MGAM2: variants seen among roughly 807,000 people sequenced by gnomAD.
MGAM2 encodes maltase-glucoamylase 2 (putative), also known as probable maltase-glucoamylase 2.
A neutral mutation model predicts 96.1 loss-of-function variants in MGAM2; 98 were observed. The observed-to-expected ratio is 1.02, with a 90% CI of 0.87 to 1.21. MGAM2 has a LOEUF of 1.21. Among genes scored for constraint, MGAM2 ranks in the 50% most tolerant of loss-of-function variants. The probability of loss-of-function intolerance (pLI) is 0.00; values close to 1 mark genes in which losing one functional copy is unlikely to be tolerated. For synonymous variants in MGAM2, 749 were observed against 414.8 expected, an observed-to-expected ratio of 1.81 and a Z score of -9.79; for missense variants, 2,055 against 1,182.4, an observed-to-expected ratio of 1.74 and a Z score of -10.82.
chr7:142,151,869 A>G (rs1795590102), intron 15 of MGAM2, among the ~76,000 whole-genome samples: 1 of 152,240 alleles, frequency 6.6e-6, no homozygotes, highest in Non-Finnish European at 1.5e-5. Flanking sequence ...GTCTTTGGGC[A>G]TGAGGCAGAG....
Position 142,143,782 on chromosome 7 carries a change from C to G in MGAM2, c.1331C>G (p.Pro444Arg), listed in dbSNP as rs1030566725. 1 of 677,960 alleles carries G rather than the reference C, an allele frequency of 1.5e-6. No individual in the cohort carries two copies. The allele number at this position is 677,960 out of a possible 1,614,324, so 42.0% of individuals were successfully genotyped here. A position where few individuals can be genotyped will look rare whatever the true frequency, so the allele number is the denominator to read the frequency against. The change falls in exon 13 of 48, where the codon CCG becomes CGG. Residue 444 changes from proline (P) to arginine (R), a missense_variant. Physicochemically the swap from Pro to Arg is moderately radical, Grantham distance 103. Transcript: ENST00000477922. ...TCTGTGTCCTAGGGATATCCGGGACCGACAGTCTTTCCCGATTATACCAAT... is the reference window on the plus strand; with the variant it reads ...TCTGTGTCCTAGGGATATCCGGGACGGACAGTCTTTCCCGATTATACCAAT... The part of the protein sequence containing the change: ...GFAVGEGYPG[P>R]TVFPDYTNPV...
intron 6 of MGAM2, among the ~76,000 whole-genome samples, chr7:142,133,007 T>G (rs1794945939): frequency 7.6e-6 from 1 of 131,100 alleles, no homozygotes; most frequent in Non-Finnish European, 1.5e-5. Flanking sequence ...AATTTATATT[T>G]ATATTTAATT....
intron 3 of MGAM2, among the ~76,000 whole-genome samples, chr7:142,129,012 A>T (rs1794805669): frequency 6.6e-6 from 1 of 152,226 alleles, no homozygotes; most frequent in African/African-American, 2.4e-5. Flanking sequence ...GAAAGCAGCC[A>T]AGAGGGGGGC....
intron 35 of MGAM2, among the ~76,000 whole-genome samples, chr7:142,187,437 T>C (rs1231274244): frequency 6.6e-6 from 1 of 152,268 alleles, no homozygotes; most frequent in African/African-American, 2.4e-5. Flanking sequence ...CCTTAGGTCC[T>C]GTGTCCAGCA....
intron 31 of MGAM2, among the ~76,000 whole-genome samples, chr7:142,173,779 A>T (rs2129091409): frequency 6.6e-6 from 1 of 152,320 alleles, no homozygotes; most frequent in East Asian, 1.9e-4. Flanking sequence ...AGTAAGTTTC[A>T]TGTGCAGAAA....
intron 46 of MGAM2, among the ~76,000 whole-genome samples, chr7:142,214,256 G>A (rs533828517): frequency 6.6e-6 from 1 of 152,266 alleles, no homozygotes; most frequent in African/African-American, 2.4e-5. Context: ...ACAAGACAAG[G>A]ATGCCCTCTC....
rs1034376182 is a variant in MGAM2, at chr7:142,132,001, A to T, written c.491A>T (p.Asp164Val). ...ENINLVDGIA[D>V]ASNLSYYVEV... ...ATTAACCTGGTTGATGGGATTGCTG[A>T]TGCCTCCAATTTGAGCTATTACGTG... The change falls in exon 6 of 48, where the codon GAT becomes GTT. Residue 164 changes from aspartate (D) to valine (V), a missense_variant. Transcript: ENST00000477922. 1 of 703,096 alleles carries T rather than the reference A, an allele frequency of 1.4e-6. No individual in the cohort carries two copies. The highest frequency in any genetic ancestry group is 1.7e-5 in the African/African-American group (1 of 57,350). 43.6% of individuals were successfully genotyped at this position (703,096 alleles called of 1,614,324 possible).
rs756513123 is a variant in MGAM2, at chr7:142,175,712, A to G, written c.3748A>G (p.Asn1250Asp). Residue 1250 changes from asparagine (N) to aspartate (D), a missense_variant, in exon 32 of 48, where the codon AAC becomes GAC. Physicochemically the swap from Asn to Asp is conservative, Grantham distance 23. Transcript: ENST00000477922. ...GAAGCTGGATTTCACCCTCAGTGCC[A>G]ACTTTCAAAACCTCAGTCTTCTGAT... is the stretch of plus-strand genomic sequence containing the variant. Reference protein sequence around the residue: ...NRKLDFTLSANFQNLSLLIEQ... With the variant: ...NRKLDFTLSADFQNLSLLIEQ... 9.0e-5 allele frequency: 63 copies of G among 702,778 alleles called. No individual in the cohort carries two copies. Among genetic ancestry groups the G allele is most frequent in the Admixed American group, 6.0e-5 (3 of 49,986 alleles). The allele number at this position is 702,778 out of a possible 1,614,324, so 43.5% of individuals were successfully genotyped here.
At chr7:142,183,950 C>CCTT (rs1796616191) in intron 33 of MGAM2, among the ~76,000 whole-genome samples, 1 of 46,112 alleles carries the variant, frequency 2.2e-5, no homozygotes, top group African/African-American at 5.6e-5. Flanking sequence ...TTCCAGGCTC[C>CCTT]TTTTTTTTTT....
Position 142,133,972 on chromosome 7 carries a change from A to G in MGAM2, c.576-9A>G, listed in dbSNP as rs1176608109. 1.4e-6 allele frequency: 1 copy of G among 701,704 alleles called. No homozygotes were observed. Among genetic ancestry groups the G allele is most frequent in the South Asian group, 1.5e-5 (1 of 67,358 alleles). 43.5% of individuals were successfully genotyped at this position (701,704 alleles called of 1,614,324 possible). On this transcript the variant is annotated splice_polypyrimidine_tract_variant and intron_variant, in intron 6 of 47. Transcript: ENST00000477922. ...CGGTGATTCTTGCTCTACTTACCCC[A>G]TGGCCCAGGTTGGACACGAGCATCG...
chr7:142,140,997 AT>A (rs1236793261), intron 11 of MGAM2, 23 bp from the exon 12 acceptor site: 20 of 693,100 alleles, frequency 2.9e-5, no homozygotes, highest in Non-Finnish European at 5.2e-5. Context: ...TGAAAATAAT[AT>A]TTATATCGTA....
At chr7:142,199,581 T>C (rs1383199657) in intron 44 of MGAM2, among the ~76,000 whole-genome samples, 3 of 152,238 alleles carry the variant, frequency 2.0e-5, no homozygotes, top group Admixed American at 2.0e-4. Context: ...TGGAAGCTAC[T>C]GAGGATTCTC....
Position 142,167,441 on chromosome 7 carries a change from C to T in MGAM2, c.2982C>T (p.Leu994=), listed in dbSNP as rs765188272. 1.8e-5 allele frequency: 13 copies of T among 702,940 alleles called. No individual in the cohort carries two copies. Among genetic ancestry groups the T allele is most frequent in the Non-Finnish European group, 3.1e-5 (12 of 385,004 alleles). The allele number at this position is 702,940 out of a possible 1,614,324, so 43.5% of individuals were successfully genotyped here. A position where few individuals can be genotyped will look rare whatever the true frequency, so the allele number is the denominator to read the frequency against. The change falls in exon 26 of 48, where the codon CTC becomes CTT. Residue 994 remains leucine, a synonymous_variant. Transcript: ENST00000477922. ...SDSLSAKISF[L]HLKVIYHTAT... is the part of the protein sequence containing the mutation. ...CTCTCTCTGCAAAGATCAGCTTCCT[C>T]CACCTGAAAGTGATCTATCACACAG...
intron 3 of MGAM2, among the ~76,000 whole-genome samples, chr7:142,129,140 T>A (rs974370229): frequency 6.6e-6 from 1 of 152,234 alleles, no homozygotes; most frequent in Non-Finnish European, 1.5e-5. Flanking sequence ...AGCTTTAGGA[T>A]TTGACAGCCT....
chr7:142,154,626 A>T (rs1795680821), intron 16 of MGAM2, 103 bp from the exon 17 acceptor site: 2 of 648,600 alleles, frequency 3.1e-6, no homozygotes, highest in African/African-American at 1.8e-5. Flanking sequence ...TAAGCATGGG[A>T]TGATGTGACA....
chr7:142,170,019 T>G, intron 26 of MGAM2, 56 bp from the exon 27 acceptor site: 1 of 655,148 alleles, frequency 1.5e-6, no homozygotes, highest in South Asian at 1.7e-5. Context: ...TGGGGTGGCA[T>G]GAGGGGTTTT....
chr7:142,183,950 CTTTTTTTTTTTTTTTTTTTTTTTTTTTT>C lies in MGAM2; in HGVS notation c.3924+590_3924+617del, dbSNP rs748299647. On this transcript the variant is annotated intron_variant, in intron 33 of 47. Coordinates refer to ENST00000477922, the MANE Select transcript of MGAM2 (RefSeq NM_001293626.2). ...ACTGCTCTGGATGTATTCCAGGCTC[CTTTTTTTTTTTTTTTTTTTTTTTTTTTT>C]TTTTTTTTTTTTGAGATGGAGTGTC... Among the ~76,000 whole-genome samples the C allele has an allele frequency of 1.4e-3, 63 of 46,148 alleles. 1 individual carries two copies. Among genetic ancestry groups the C allele is most frequent in the Admixed American group, 3.9e-3 (10 of 2,580 alleles). The allele number at this position is 46,148 out of a possible 152,430, so 30.3% of individuals were successfully genotyped here. A position where few individuals can be genotyped will look rare whatever the true frequency, so the allele number is the denominator to read the frequency against.
At chr7:142,149,843 A>G (rs1274846770) in intron 15 of MGAM2, among the ~76,000 whole-genome samples, 1 of 151,798 alleles carries the variant, frequency 6.6e-6, no homozygotes, top group Non-Finnish European at 1.5e-5. Flanking sequence ...GCCCGGCCTT[A>G]CTTGGATGTT....
At position 142,148,820 on chromosome 7, in the gene MGAM2, C is replaced by A. The variant is rs770229198; in HGVS notation, c.1634+1247C>A. 2.0e-5 allele frequency among the ~76,000 whole-genome samples: 3 copies of A among 152,160 alleles called. No homozygotes were observed. Among genetic ancestry groups the A allele is most frequent in the African/African-American group, 7.2e-5 (3 of 41,430 alleles). ...TGTTGTGCTCTACAAGACAGGGAGACTTTGATGGGTTTATGGGGCCTGTCT... is the reference window on the plus strand; with the variant it reads ...TGTTGTGCTCTACAAGACAGGGAGAATTTGATGGGTTTATGGGGCCTGTCT... On this transcript the variant is annotated intron_variant, in intron 15 of 47. Coordinates refer to ENST00000477922, the MANE Select transcript of MGAM2 (RefSeq NM_001293626.2). This position sits in a 1 kb window ranked among gnomAD's most constrained non-coding sequence, Gnocchi z 4.2.
Sources: allele counts gnomAD v4.1 joint callset (sites outside exome capture counted in the v4.1 genomes callset), GRCh38; gene constraint gnomAD v4.1.1; non-coding constraint Gnocchi (gnomAD v3.1); transcripts MANE v1.5; gene names NCBI Gene and HGNC (gene_info 2026-07-23, HGNC 2026-07-21).